Variants in PTPRD observed in about 807,000 individuals in gnomAD.
PTPRD encodes protein tyrosine phosphatase receptor type D, also known as receptor-type tyrosine-protein phosphatase delta.
A neutral mutation model predicts 214.5 loss-of-function variants in PTPRD; 34 were observed. The observed-to-expected ratio is 0.16, with a 90% CI of 0.12 to 0.21. The LOEUF (loss-of-function observed/expected upper bound fraction) is 0.21. PTPRD is among the 10% of genes least tolerant of loss of function. The pLI is 1.00. For synonymous variants in PTPRD, 1,128 were observed against 845.7 expected, an observed-to-expected ratio of 1.33 and a Z score of -5.79; for missense variants, 2,545 against 2,398.7, an observed-to-expected ratio of 1.06 and a Z score of -1.27.
At chr9:10,197,088 G>T (rs956142023) in intron 3 of PTPRD, among the ~76,000 whole-genome samples, 22 of 152,036 alleles carry the variant, frequency 1.4e-4, no homozygotes, top group African/African-American at 4.6e-4. Flanking sequence ...GCACCTTAAT[G>T]AACTAAGATG....
At chr9:10,096,577 G>C (rs1163125110) in intron 3 of PTPRD, among the ~76,000 whole-genome samples, 1 of 151,834 alleles carries the variant, frequency 6.6e-6, no homozygotes, top group East Asian at 1.9e-4. Context: ...CCCACTTTTT[G>C]ATGGGGTTTT....
intron 2 of PTPRD, among the ~76,000 whole-genome samples, chr9:10,518,728 T>C (rs773870589): frequency 1.3e-5 from 2 of 151,562 alleles, no homozygotes; most frequent in Non-Finnish European, 2.9e-5. Flanking sequence ...CAGACAGGGT[T>C]TTACCGTGTT....
In PTPRD at chr9:10,600,402, A is replaced by C. The variant is rs534759865; in HGVS notation, c.-600+11996T>G. On this transcript the variant is annotated intron_variant, in intron 2 of 45. Coordinates refer to ENST00000381196, the MANE Select transcript of PTPRD (RefSeq NM_002839.4). ...AATGCGTGCCACAAGCCCAGAAAGT[A>C]CACCCAATTTCTTAAGATTGATGAG... is the stretch of plus-strand genomic sequence containing the variant. Among the ~76,000 whole-genome samples the C allele has an allele frequency of 2.6e-5, 4 of 151,906 alleles. No individual in the cohort carries two copies. The South Asian group carries it at 6.2e-4, about 24-fold the overall frequency.
At chr9:9,110,257 G>A (rs2099804181) in intron 10 of PTPRD, among the ~76,000 whole-genome samples, 1 of 152,058 alleles carries the variant, frequency 6.6e-6, no homozygotes, top group East Asian at 1.9e-4. Flanking sequence ...AAAAACCCCA[G>A]CACACGTCTT....
intron 5 of PTPRD, among the ~76,000 whole-genome samples, chr9:9,775,404 G>A (rs1298626939): frequency 5.3e-5 from 8 of 152,104 alleles, no homozygotes; most frequent in African/African-American, 1.9e-4. Context: ...CCATCTTTGG[G>A]CAAGTTATTT....
intron 6 of PTPRD, among the ~76,000 whole-genome samples, chr9:9,754,739 G>C (rs185676964): frequency 6.6e-6 from 1 of 152,126 alleles, no homozygotes; most frequent in Non-Finnish European, 1.5e-5. Context: ...TAAAAAGAAA[G>C]TTTATGTAAA....
intron 7 of PTPRD, among the ~76,000 whole-genome samples, chr9:9,662,439 C>G (rs896309684): frequency 1.1e-4 from 17 of 151,556 alleles, no homozygotes; most frequent in African/African-American, 3.9e-4. Context: ...TAAGAGAACA[C>G]ATTTGTGCCA....
chr9:8,726,442 G>A (rs1375073202), intron 12 of PTPRD, among the ~76,000 whole-genome samples: 1 of 149,616 alleles, frequency 6.7e-6, no homozygotes, highest in African/African-American at 2.5e-5. Flanking sequence ...ATAAAAATTA[G>A]CCAAGAAGGC....
chr9:9,692,338 T>G (rs916552548), intron 7 of PTPRD, among the ~76,000 whole-genome samples: 3 of 152,060 alleles, frequency 2.0e-5, no homozygotes, highest in African/African-American at 7.2e-5. Flanking sequence ...TTCATTCTTC[T>G]GCATATGGAT....
chr9:10,208,972 G>C (rs957737501), intron 3 of PTPRD, among the ~76,000 whole-genome samples: 11 of 152,128 alleles, frequency 7.2e-5, no homozygotes, highest in Admixed American at 3.3e-4. Context: ...ATGATATAAA[G>C]AGCTAAGAGT....
chr9:8,776,926 T>C (rs970232203), intron 11 of PTPRD, among the ~76,000 whole-genome samples: 36 of 147,318 alleles, frequency 2.4e-4, no homozygotes, highest in African/African-American at 8.4e-4. Context: ...GTATAATATA[T>C]AAATATGATG....
intron 8 of PTPRD, among the ~76,000 whole-genome samples, chr9:9,561,792 T>C (rs1007452156): frequency 3.9e-5 from 6 of 152,224 alleles, no homozygotes; most frequent in Non-Finnish European, 2.9e-5. Context: ...TTTCTTTCTC[T>C]TTCTATCTAC....
chr9:8,421,568 G>A (rs1043519804), intron 35 of PTPRD, among the ~76,000 whole-genome samples: 20 of 152,022 alleles, frequency 1.3e-4, no homozygotes, highest in Admixed American at 6.6e-5. Flanking sequence ...AGCAAACAGC[G>A]AATCAAATCT....
At chr9:10,546,986 G>A (rs988764837) in intron 2 of PTPRD, among the ~76,000 whole-genome samples, 5 of 152,182 alleles carry the variant, frequency 3.3e-5, no homozygotes, top group Admixed American at 2.0e-4. Flanking sequence ...CACTAAAGCT[G>A]TTAATGGAGG....
Position 8,319,973 on chromosome 9 carries a change from CA to C in PTPRD, c.5535-8del. 6.2e-7 allele frequency: 1 copy of C among 1,611,134 alleles called. No individual in the cohort carries two copies. The highest frequency in any genetic ancestry group is 8.5e-7 in the Non-Finnish European group (1 of 1,178,708). On this transcript the variant is annotated splice_region_variant and splice_polypyrimidine_tract_variant and intron_variant, in intron 44 of 45. Coordinates refer to ENST00000381196, the MANE Select transcript of PTPRD (RefSeq NM_002839.4). ...AGTTCTTCCAACGCCCGCGCTGCCA[CA>C]ATAACAAAGGCGATGTTACTGGGTG...
At chr9:8,533,140 C>G (rs1225987432) in intron 14 of PTPRD, among the ~76,000 whole-genome samples, 1 of 152,044 alleles carries the variant, frequency 6.6e-6, no homozygotes. Context: ...TAACGATGCT[C>G]TTACTTTCAC....
At chr9:10,332,005 A>G (rs2096759519) in intron 3 of PTPRD, among the ~76,000 whole-genome samples, 1 of 151,892 alleles carries the variant, frequency 6.6e-6, no homozygotes, top group African/African-American at 2.4e-5. Flanking sequence ...ATCACACACT[A>G]GCAGCAATAA....
At chr9:10,572,975 G>T (rs537686500) in intron 2 of PTPRD, among the ~76,000 whole-genome samples, 7 of 151,978 alleles carry the variant, frequency 4.6e-5, no homozygotes, top group Non-Finnish European at 7.4e-5. Context: ...ATCCATTCCA[G>T]ATGAGGTACT....
intron 7 of PTPRD, among the ~76,000 whole-genome samples, chr9:9,716,067 T>C (rs951551214): frequency 3.3e-5 from 5 of 150,210 alleles, no homozygotes; most frequent in Admixed American, 2.6e-4. Flanking sequence ...TGTGATCTCA[T>C]TGTTCAGTTC....
Sources: gnomAD v4.1 joint callset for allele counts (sites outside exome capture counted in the v4.1 genomes callset) on GRCh38, gnomAD v4.1.1 for gene constraint, MANE v1.5 for transcripts, NCBI Gene and HGNC (gene_info 2026-07-23, HGNC 2026-07-21) for gene names.